The following LAMA2 variants were observed in gnomAD, a reference collection of about 807,000 sequenced individuals.
LAMA2 encodes the protein laminin subunit alpha 2.
In LAMA2, 269 loss-of-function variants were observed where a neutral mutation model predicts 364.8. That is an observed-to-expected ratio of 0.74 (90% CI 0.67 to 0.82). The LOEUF is 0.82. Ranked by LOEUF, LAMA2 falls within the 40% of genes least tolerant of loss-of-function variation. The probability of loss-of-function intolerance (pLI) is 0.00; values close to 1 mark genes in which losing one functional copy is unlikely to be tolerated. For missense variants in LAMA2, 3,807 were observed against 3,873.2 expected, an observed-to-expected ratio of 0.98 and a Z score of 0.45; for synonymous variants, 1,379 against 1,370.6, an observed-to-expected ratio of 1.01 and a Z score of -0.14.
intron 24 of LAMA2, 116 bp from the exon 25 acceptor site, chr6:129,315,360 A>C: frequency 1.2e-6 from 1 of 865,814 alleles, no homozygotes; most frequent in South Asian, 1.5e-5. Context: ...GTTGCTTGTG[A>C]GAACATCATC....
At chr6:129,175,384 CCT>C (rs776151620) in intron 9 of LAMA2, among the ~76,000 whole-genome samples, 4 of 152,092 alleles carry the variant, frequency 2.6e-5, no homozygotes, top group Non-Finnish European at 4.4e-5. Context: ...TGAATTAACC[CCT>C]GTGTTTTGTG....
chr6:128,924,118 A>G (rs1778930244), intron 1 of LAMA2, among the ~76,000 whole-genome samples: 1 of 152,196 alleles, frequency 6.6e-6, no homozygotes, highest in Non-Finnish European at 1.5e-5. Flanking sequence ...AAATCTATTA[A>G]AATCATACTA....
At chr6:129,071,073 G>C (rs923815770) in intron 3 of LAMA2, among the ~76,000 whole-genome samples, 3 of 152,066 alleles carry the variant, frequency 2.0e-5, no homozygotes, top group African/African-American at 7.2e-5. Context: ...TCTGTGCATG[G>C]GTTTTAGTCA....
rs187244447 is a variant in LAMA2 at position 129,305,090 on chromosome 6, G to C, written c.3174+4218G>C. 1.5e-3 allele frequency among the ~76,000 whole-genome samples: 222 copies of C among 152,176 alleles called. 1 individual carries two copies. The highest frequency in any genetic ancestry group is 5.1e-3 in the African/African-American group (211 of 41,532). On this transcript the variant is annotated intron_variant, in intron 22 of 64. Transcript: ENST00000421865. ...TCAGGTTTTATTCACATGTATTTTTGAGCAGTGATACTAGGTGCATGAACA... is the reference window on the plus strand; with the variant it reads ...TCAGGTTTTATTCACATGTATTTTTCAGCAGTGATACTAGGTGCATGAACA...
intron 15 of LAMA2, among the ~76,000 whole-genome samples, chr6:129,266,194 G>A (rs1787500454): frequency 6.6e-6 from 1 of 152,012 alleles, no homozygotes; most frequent in Non-Finnish European, 1.5e-5. Context: ...TTCACTGGAG[G>A]GTGATCATAA....
At position 129,049,926 on chromosome 6, in the gene LAMA2, C is replaced by T; in HGVS notation, c.121C>T (p.Pro41Ser). 1 of 1,613,614 alleles carries T rather than the reference C, an allele frequency of 6.2e-7. No individual in the cohort carries two copies. Among genetic ancestry groups the T allele is most frequent in the Non-Finnish European group, 8.5e-7 (1 of 1,179,688 alleles). ...TTGTCCATCTTTTTCAGGTTTATTC[C>T]CTGCTGTCCTGAATCTTGCTTCTAA... is the stretch of plus-strand genomic sequence containing the variant. ...SQAHQQRGLF[P>S]AVLNLASNAL... Residue 41 changes from proline (P) to serine (S), a missense_variant, in exon 2 of 65, where the codon CCT becomes TCT. Transcript: ENST00000421865.
At chr6:129,332,865 G>A (rs1049416852) in intron 29 of LAMA2, among the ~76,000 whole-genome samples, 171 of 140,554 alleles carry the variant, frequency 1.2e-3, no homozygotes, top group Middle Eastern at 4.0e-3. Context: ...AGTTGATTCA[G>A]TTATTGTTAA....
chr6:129,312,082 A>T (rs1774262243), intron 22 of LAMA2, among the ~76,000 whole-genome samples: 1 of 148,980 alleles, frequency 6.7e-6, no homozygotes, highest in Admixed American at 6.6e-5. Flanking sequence ...AAATCTGAAG[A>T]AGAAACAGTA....
chr6:128,969,023 A>G (rs1327264484), intron 1 of LAMA2, among the ~76,000 whole-genome samples: 2 of 152,180 alleles, frequency 1.3e-5, no homozygotes, highest in Non-Finnish European at 2.9e-5. Flanking sequence ...TTCGGTTTCT[A>G]TAATTTCCAA....
chr6:129,250,085 A>G (rs1786062610), intron 12 of LAMA2, 27 bp from the exon 13 acceptor site: 1 of 1,310,290 alleles, frequency 7.6e-7, no homozygotes, highest in Non-Finnish European at 1.1e-6. Flanking sequence ...CCTATCCCGT[A>G]ATGATTATGC....
At chr6:129,058,549 A>C (rs1326711028) in intron 2 of LAMA2, among the ~76,000 whole-genome samples, 1 of 152,186 alleles carries the variant, frequency 6.6e-6, no homozygotes, top group Non-Finnish European at 1.5e-5. Context: ...CCTTGCCATT[A>C]TTGTAAAGAT....
At chr6:129,470,029 G>C (rs768578184) in intron 51 of LAMA2, among the ~76,000 whole-genome samples, 1 of 151,768 alleles carries the variant, frequency 6.6e-6, no homozygotes, top group Non-Finnish European at 1.5e-5. Flanking sequence ...GTGTGGTGGT[G>C]GTTCTGCAGG....
At chr6:129,414,276 T>A (rs979839380) in intron 40 of LAMA2, among the ~76,000 whole-genome samples, 1 of 152,054 alleles carries the variant, frequency 6.6e-6, no homozygotes, top group African/African-American at 2.4e-5. Context: ...TTATGCAATT[T>A]GTTCCCAAGA....
chr6:129,308,474 G>C (rs1774014528), intron 22 of LAMA2, among the ~76,000 whole-genome samples: 1 of 152,046 alleles, frequency 6.6e-6, no homozygotes, highest in Non-Finnish European at 1.5e-5. Context: ...TACATTCCAA[G>C]TTTCTATGAA....
intron 1 of LAMA2, among the ~76,000 whole-genome samples, chr6:129,020,562 G>A (rs2114713125): frequency 6.6e-6 from 1 of 152,286 alleles, no homozygotes; most frequent in African/African-American, 2.4e-5. Flanking sequence ...GAACTGCATG[G>A]CAAGCAAAGG....
At chr6:129,082,434 A>G (rs547651880) in intron 3 of LAMA2, among the ~76,000 whole-genome samples, 1 of 152,256 alleles carries the variant, frequency 6.6e-6, no homozygotes, top group Admixed American at 6.5e-5. Flanking sequence ...TTAAACATCC[A>G]ATAAAGATAT....
intron 40 of LAMA2, among the ~76,000 whole-genome samples, chr6:129,415,814 C>G (rs1302997390): frequency 6.6e-6 from 1 of 152,064 alleles, no homozygotes; most frequent in African/African-American, 2.4e-5. Context: ...CCACTGCACT[C>G]CAGCCTGCGT....
chr6:129,062,840 T>G (rs1789019297), intron 3 of LAMA2, among the ~76,000 whole-genome samples: 1 of 152,068 alleles, frequency 6.6e-6, no homozygotes, highest in Non-Finnish European at 1.5e-5. Flanking sequence ...TGACACATTT[T>G]CATAAATTAG....
At chr6:129,459,147 T>C (rs949534020) in intron 48 of LAMA2, among the ~76,000 whole-genome samples, 1 of 152,070 alleles carries the variant, frequency 6.6e-6, no homozygotes, top group African/African-American at 2.4e-5. Flanking sequence ...CTTTATGGTA[T>C]AGCCTACTGC....
Sources: allele counts gnomAD v4.1 joint callset (sites outside exome capture counted in the v4.1 genomes callset), GRCh38; gene constraint gnomAD v4.1.1; transcripts MANE v1.5; gene names NCBI Gene and HGNC (gene_info 2026-07-23, HGNC 2026-07-21).